CPVL: variants seen among roughly 807,000 people sequenced by gnomAD.
CPVL encodes the protein carboxypeptidase vitellogenic like, also known as probable serine carboxypeptidase CPVL.
A neutral mutation model predicts 63.7 loss-of-function variants in CPVL; 51 were observed. The ratio of observed to expected loss-of-function variants is 0.80; its 90% confidence interval spans 0.64 to 1.01. CPVL has a LOEUF of 1.01. Among genes scored for constraint, CPVL ranks in the 50% least tolerant of loss-of-function variants. CPVL has a pLI of 0.00. For synonymous variants in CPVL, 195 were observed against 206.0 expected, an observed-to-expected ratio of 0.95 and a Z score of 0.46; for missense variants, 530 against 573.1, an observed-to-expected ratio of 0.92 and a Z score of 0.77.
At chr7:29,005,338 T>C (rs746789581) in intron 12 of CPVL, among the ~76,000 whole-genome samples, 5 of 152,168 alleles carry the variant, frequency 3.3e-5, no homozygotes, top group Non-Finnish European at 7.3e-5. Context: ...GAGGAGAAAT[T>C]ACAGCACTAA....
At chr7:29,117,525 G>T (rs977690942) in intron 2 of CPVL, among the ~76,000 whole-genome samples, 19 of 152,198 alleles carry the variant, frequency 1.2e-4, no homozygotes, top group African/African-American at 4.6e-4. Flanking sequence ...CAGCATAGTG[G>T]TTCATATCAT....
chr7:29,175,606 C>T lies in CPVL; in HGVS notation c.-11+5684G>A, dbSNP rs1446302319. Among the ~76,000 whole-genome samples the T allele has an allele frequency of 2.0e-5, 3 of 152,252 alleles. No individual in the cohort carries two copies. In the East Asian group the frequency reaches 5.8e-4, roughly 29 times the overall value. ...CCTCCCCAGCCGTATGGAACTGAGTCAATTTTTCCTCTTATCTTTGTAGAT... is the reference window on the plus strand; with the variant it reads ...CCTCCCCAGCCGTATGGAACTGAGTTAATTTTTCCTCTTATCTTTGTAGAT... On this transcript the variant is annotated intron_variant, in intron 5 of 16. Coordinates refer to the CPVL transcript ENST00000409850.
At chr7:29,025,003 G>A (rs761451822) in intron 12 of CPVL, among the ~76,000 whole-genome samples, 3 of 152,074 alleles carry the variant, frequency 2.0e-5, no homozygotes, top group African/African-American at 7.2e-5. Flanking sequence ...GAGGAAGAAC[G>A]GAACAAAGGA....
At chr7:29,161,534 G>A (rs899962240) in intron 5 of CPVL, among the ~76,000 whole-genome samples, 7 of 151,964 alleles carry the variant, frequency 4.6e-5, no homozygotes, top group Non-Finnish European at 1.0e-4. Flanking sequence ...TCATGCTCCT[G>A]GTCCTGGTTA....
At chr7:29,146,589 C>T (rs892997339), upstream of CPVL, 45 of 1,549,888 alleles carry the variant, frequency 2.9e-5, no homozygotes, top group Admixed American at 5.9e-5. Flanking sequence ...CTCACATGAC[C>T]CAGACCCACA....
At chr7:29,083,186 C>T (rs903514052) in intron 7 of CPVL, among the ~76,000 whole-genome samples, 1 of 152,222 alleles carries the variant, frequency 6.6e-6, no homozygotes, top group Non-Finnish European at 1.5e-5. Context: ...CAGTTACTTG[C>T]CATTCCCATG....
At chr7:29,006,897 A>C (rs1785248867) in intron 12 of CPVL, among the ~76,000 whole-genome samples, 1 of 128,366 alleles carries the variant, frequency 7.8e-6, no homozygotes, top group Admixed American at 8.1e-5. Flanking sequence ...ACCCTACTCC[A>C]TCTTCCGCCT....
At position 29,064,127 on chromosome 7, in the gene CPVL, C is replaced by T. The variant is rs2128563838; in HGVS notation, c.1071G>A (p.Lys357=). ...QTFNDGTIVE[K]YLREDTVQSV... Reference sequence around the variant, plus strand: ...ACTGTACTGTATCTTCTCGCAAGTACTTTTCAACTATAGTTCCATCATTAA... The same window carrying T: ...ACTGTACTGTATCTTCTCGCAAGTATTTTTCAACTATAGTTCCATCATTAA... Residue 357 remains lysine, a synonymous_variant, in exon 11 of 13, where the codon AAG becomes AAA. Transcript: ENST00000265394. 1.2e-6 allele frequency: 2 copies of T among 1,613,520 alleles called. No individual in the cohort carries two copies. The highest frequency in any genetic ancestry group is 1.7e-6 in the Non-Finnish European group (2 of 1,179,460).
At chr7:29,022,681 G>T (rs1787123862) in intron 12 of CPVL, among the ~76,000 whole-genome samples, 1 of 152,186 alleles carries the variant, frequency 6.6e-6, no homozygotes, top group Non-Finnish European at 1.5e-5. Context: ...CCTGGGAATT[G>T]ATCAGCCCTG....
rs547191386 is a variant in CPVL at position 29,069,855 on chromosome 7, GA to G, written c.864+1917del. On this transcript the variant is annotated intron_variant, in intron 9 of 12. Transcript: ENST00000265394. ...ATGTAAATGCATAGGGACAGTAGAT[GA>G]CCTATCTCCAGAGTACTCTCCAGCT... Among the ~76,000 whole-genome samples the G allele has an allele frequency of 6.0e-3, 893 of 149,270 alleles. 1 individual carries two copies. Among genetic ancestry groups the G allele is most frequent in the Non-Finnish European group, 7.6e-3 (517 of 67,606 alleles).
intron 11 of CPVL, among the ~76,000 whole-genome samples, chr7:29,031,516 TA>T (rs1457168651): frequency 2.0e-5 from 3 of 152,194 alleles, no homozygotes; most frequent in African/African-American, 7.2e-5. Flanking sequence ...CCAATTCTGA[TA>T]AAGTTGTAGA....
At chr7:29,144,513 A>T (rs1254928622) in intron 1 of CPVL, among the ~76,000 whole-genome samples, 1 of 152,146 alleles carries the variant, frequency 6.6e-6, no homozygotes. Flanking sequence ...GTGAGCAGAG[A>T]TGGTGCCACT....
At chr7:29,044,281 G>C (rs929507197) in intron 11 of CPVL, among the ~76,000 whole-genome samples, 1 of 152,118 alleles carries the variant, frequency 6.6e-6, no homozygotes, top group Non-Finnish European at 1.5e-5. Context: ...ACCAGGTATG[G>C]TGGCAGGCAC....
At chr7:29,175,792 G>T (rs1158034867) in intron 5 of CPVL, among the ~76,000 whole-genome samples, 1 of 151,940 alleles carries the variant, frequency 6.6e-6, no homozygotes, top group Non-Finnish European at 1.5e-5. Context: ...TGAAAGAAGG[G>T]TTAGGAAGTA....
intron 12 of CPVL, among the ~76,000 whole-genome samples, chr7:29,026,432 C>A (rs1485107616): frequency 6.6e-6 from 1 of 151,738 alleles, no homozygotes; most frequent in African/African-American, 2.4e-5. Context: ...AAGAACAAAC[C>A]AAACCCATTA....
At chr7:29,026,109 A>C (rs1415145240) in intron 12 of CPVL, among the ~76,000 whole-genome samples, 3 of 152,190 alleles carry the variant, frequency 2.0e-5, no homozygotes, top group Non-Finnish European at 4.4e-5. Flanking sequence ...AATCAGAATC[A>C]TATCAAGTAT....
At chr7:29,126,305 GA>G (rs1314119696) in intron 1 of CPVL, 4 of 152,142 alleles carry the variant, frequency 2.6e-5, no homozygotes, top group Non-Finnish European at 5.9e-5. Flanking sequence ...GCAAACACCA[GA>G]AATCAGGCCT....
chr7:29,119,914 G>T (rs537424467), intron 2 of CPVL, among the ~76,000 whole-genome samples: 1 of 152,156 alleles, frequency 6.6e-6, no homozygotes, highest in Non-Finnish European at 1.5e-5. Flanking sequence ...CCGGGATGTT[G>T]AGATGTTTAA....
intron 12 of CPVL, among the ~76,000 whole-genome samples, chr7:29,016,918 A>G (rs1305891230): frequency 6.6e-6 from 1 of 152,220 alleles, no homozygotes; most frequent in Admixed American, 6.5e-5. Context: ...TCTTCTTCCA[A>G]TAAAGCTCCT....
Sources: gnomAD v4.1 joint callset for allele counts (sites outside exome capture counted in the v4.1 genomes callset) on GRCh38, gnomAD v4.1.1 for gene constraint, MANE v1.5 for transcripts, NCBI Gene and HGNC (gene_info 2026-07-23, HGNC 2026-07-21) for gene names.